The following SLC38A8 variants were observed in gnomAD, a reference collection of about 807,000 sequenced individuals.
SLC38A8 encodes solute carrier family 38 member 8.
Under a neutral mutation model 46.0 loss-of-function variants are expected in SLC38A8, and 65 were observed. The ratio of observed to expected loss-of-function variants is 1.41; its 90% CI spans 1.16 to 1.74. The LOEUF (loss-of-function observed/expected upper bound fraction) is 1.74, where lower values mean the gene tolerates loss of function less well. Ranked by LOEUF, SLC38A8 falls within the 40% of genes most tolerant of loss-of-function variation. The pLI, the probability that SLC38A8 is intolerant of heterozygous loss-of-function variation, is 0.00. For synonymous variants in SLC38A8, 447 were observed against 243.7 expected (o/e 1.83, Z -7.77); for missense variants, 998 against 567.9 (o/e 1.76, Z -7.70).
At chr16:84,017,366 C>A in intron 7 of SLC38A8, 79 bp from the exon 8 acceptor site, 1 of 1,517,488 alleles carries the variant, frequency 6.6e-7, no homozygotes, top group Non-Finnish European at 8.9e-7. Flanking sequence ...ACAGACAGCG[C>A]CTGGCTTTAC....
rs762250744 is a variant in SLC38A8, at chr16:84,042,104, G to A, written c.54C>T (p.Ala18=). The change falls in exon 2 of 11, where the codon GCC becomes GCT. Residue 18 remains alanine, a synonymous_variant. Coordinates refer to ENST00000299709, the MANE Select transcript of SLC38A8 (RefSeq NM_001080442.3). ...TCGAGGACAGAGTGGCAGCAGCCGTGGCAGGGTGAGGCTTTTCTGGAAGGC... is the reference window on the plus strand; with the variant it reads ...TCGAGGACAGAGTGGCAGCAGCCGTAGCAGGGTGAGGCTTTTCTGGAAGGC... The part of the protein sequence containing the change: ...SRGLPEKPHP[A]TAAATLSSMG... 3.7e-5 allele frequency: 60 copies of A among 1,613,812 alleles called. No homozygotes were observed. Among genetic ancestry groups the A allele is most frequent in the Non-Finnish European group, 4.8e-5 (57 of 1,179,970 alleles).
At chr16:84,016,875 C>A in intron 8 of SLC38A8, 148 bp from the exon 9 acceptor site, 1 of 1,073,382 alleles carries the variant, frequency 9.3e-7, no homozygotes, top group Non-Finnish European at 1.3e-6. Context: ...GAGACCTTGC[C>A]AACCCTCAGG....
chr16:84,025,395 C>G (rs1337881833), intron 6 of SLC38A8, among the ~76,000 whole-genome samples: 2 of 152,210 alleles, frequency 1.3e-5, no homozygotes, highest in African/African-American at 4.8e-5. Context: ...GTCCAGCCAA[C>G]TCCTCTGCAC....
In SLC38A8 at chr16:84,017,143, C is replaced by A. The variant is rs199667243; in HGVS notation, c.950G>T (p.Gly317Val). 17 of 1,614,078 alleles carry A rather than the reference C, an allele frequency of 1.1e-5. No individual in the cohort carries two copies. The highest frequency in any genetic ancestry group is 1.4e-5 in the Non-Finnish European group (17 of 1,179,988). The change falls in exon 8 of 11, where the codon GGG becomes GTG. Residue 317 changes from glycine (G) to valine (V), a missense_variant. Gly to Val is a moderately radical substitution (Grantham distance 109, BLOSUM62 -3). Transcript: ENST00000299709. ...CCCCCACTGAGCCAGGCCTCACCTC[C>A]CCAGGAAGAGCACGATGGGGTAGAC... ...VTVYPIVLFLGRSVMQDFWRR... is the reference protein window; with the variant it reads ...VTVYPIVLFLVRSVMQDFWRR...
chr16:84,040,752 C>T (rs766859228), intron 2 of SLC38A8, among the ~76,000 whole-genome samples: 1 of 152,218 alleles, frequency 6.6e-6, no homozygotes, highest in Non-Finnish European at 1.5e-5. Context: ...CCGACCACGC[C>T]ATGTCATATC....
chr16:84,015,608 T>TG lies in SLC38A8; in HGVS notation c.1162+910dup, dbSNP rs556705393. Reference sequence around the variant, plus strand: ...TTCAGGGCCTCGGTCTTCGCATCTATGGAATGGGATCATAAACGTTCCTAC... The same window carrying TG: ...TTCAGGGCCTCGGTCTTCGCATCTATGGGAATGGGATCATAAACGTTCCTAC... On this transcript the variant is annotated intron_variant, in intron 9 of 10. Coordinates refer to ENST00000299709, the MANE Select transcript of SLC38A8 (RefSeq NM_001080442.3). 7.1e-4 allele frequency among the ~76,000 whole-genome samples: 108 copies of TG among 152,190 alleles called. No homozygotes were observed. In the Middle Eastern group the frequency reaches 0.01, roughly 14 times the overall value.
At chr16:84,030,098 C>A (rs1277037792) in intron 5 of SLC38A8, among the ~76,000 whole-genome samples, 1 of 152,174 alleles carries the variant, frequency 6.6e-6, no homozygotes, top group Admixed American at 6.5e-5. Context: ...GAGCCTGAAT[C>A]CAATGCCTGC....
rs758763104 is a variant in SLC38A8, at chr16:84,022,820, A to T, written c.760T>A (p.Ser254Thr). The change falls in exon 7 of 11, where the codon TCT (serine) becomes ACT (threonine). Residue 254 changes from serine (S) to threonine (T), a missense_variant. Transcript: ENST00000299709. The stretch of plus-strand genomic sequence containing the variant: ...CAGCAGGCCAGCAAGGACAGCACAG[A>T]CACCAGGGCCCAGTGGGAGAGGCTC... ...KRSLSHWALVSVLSLLACCLI... is the reference protein window; with the variant it reads ...KRSLSHWALVTVLSLLACCLI... The T allele has an allele frequency of 1.7e-5, 27 of 1,613,560 alleles. No individual in the cohort carries two copies. The highest frequency in any genetic ancestry group is 2.3e-5 in the Non-Finnish European group (27 of 1,179,844).
At chr16:84,013,900 T>C (rs7201097) in intron 9 of SLC38A8, among the ~76,000 whole-genome samples, 38,728 of 151,900 alleles carry the variant, frequency 0.25, 9,854 homozygotes, top group African/African-American at 0.66. Flanking sequence ...GAATTTAATC[T>C]AACAGCCCAG....
At chr16:84,033,763 T>C (rs1288371624) in intron 3 of SLC38A8, among the ~76,000 whole-genome samples, 1 of 152,150 alleles carries the variant, frequency 6.6e-6, no homozygotes, top group Non-Finnish European at 1.5e-5. Flanking sequence ...TCGTGCCCCT[T>C]ACATTCTGGT....
chr16:84,032,961 G>C (rs534642416), intron 4 of SLC38A8, among the ~76,000 whole-genome samples: 21 of 136,956 alleles, frequency 1.5e-4, no homozygotes, highest in African/African-American at 4.7e-4. Flanking sequence ...TGGGTAGGTG[G>C]GTGTGCATGG....
intron 4 of SLC38A8, among the ~76,000 whole-genome samples, chr16:84,032,949 T>C (rs1205728441): frequency 1.7e-5 from 1 of 58,008 alleles, no homozygotes; most frequent in Non-Finnish European, 3.0e-5. Context: ...CATGGGTGGG[T>C]GTGGGTAGGT....
intron 6 of SLC38A8, among the ~76,000 whole-genome samples, chr16:84,023,594 C>T (rs555643100): frequency 1.3e-5 from 2 of 152,210 alleles, no homozygotes; most frequent in African/African-American, 2.4e-5. Context: ...CAATGAACAC[C>T]ACAGGAAGCC....
chr16:84,031,704 G>C (rs1298707506), intron 5 of SLC38A8, among the ~76,000 whole-genome samples, 163 bp downstream of exon 5: 1 of 152,148 alleles, frequency 6.6e-6, no homozygotes, highest in Non-Finnish European at 1.5e-5. Flanking sequence ...GAAGGAGAGT[G>C]GCCCTCCCTT....
At chr16:84,041,876 A>C in intron 2 of SLC38A8, 93 bp downstream of exon 2, 1 of 1,144,020 alleles carries the variant, frequency 8.7e-7, no homozygotes, top group Non-Finnish European at 1.2e-6. Context: ...CTTACAGGAC[A>C]CGCAACTCCG....
chr16:84,027,360 A>AAAAC (rs199701593), intron 6 of SLC38A8, among the ~76,000 whole-genome samples: 224 of 150,464 alleles, frequency 1.5e-3, no homozygotes, highest in South Asian at 2.3e-3. Flanking sequence ...AAGCAAAATT[A>AAAAC]AAACAAACAA....
At position 84,018,751 on chromosome 16, in the gene SLC38A8, G is replaced by A. The variant is rs114440945; in HGVS notation, c.806-1464C>T. On this transcript the variant is annotated intron_variant, in intron 7 of 10. Transcript: ENST00000299709. The stretch of plus-strand genomic sequence containing the variant: ...TTAACACAGTGATGTCTGATGAAGC[G>A]GCCGAAATGAGATGCTTTTATACTT... Among the ~76,000 whole-genome samples the A allele has an allele frequency of 6.4e-3, 967 of 152,202 alleles. 7 individuals are homozygous for A. Among genetic ancestry groups the A allele is most frequent in the African/African-American group, 0.022 (897 of 41,526 alleles).
At chr16:84,042,941 G>T (rs774633299), upstream of SLC38A8, among the ~76,000 whole-genome samples, 3 of 152,180 alleles carry the variant, frequency 2.0e-5, no homozygotes, top group East Asian at 5.8e-4. Context: ...ACGGGGCAGG[G>T]GAGCAGGCAC....
chr16:84,040,345 C>T (rs1305067124), intron 2 of SLC38A8, among the ~76,000 whole-genome samples: 1 of 152,210 alleles, frequency 6.6e-6, no homozygotes, highest in Non-Finnish European at 1.5e-5. Flanking sequence ...CTCAAGTCTG[C>T]TGAGTGAAGG....
Sources: gnomAD v4.1 joint callset for allele counts (sites outside exome capture counted in the v4.1 genomes callset) on GRCh38, gnomAD v4.1.1 for gene constraint, MANE v1.5 for transcripts, NCBI Gene and HGNC (gene_info 2026-07-23, HGNC 2026-07-21) for gene names.